KDM5C: variants seen among roughly 807,000 people sequenced by gnomAD.
KDM5C encodes lysine-specific demethylase 5C.
Under a neutral mutation model 110.6 loss-of-function variants are expected in KDM5C, and 16 were observed. The observed-to-expected ratio is 0.14, with a 90% CI of 0.10 to 0.22. The LOEUF is 0.22. Among genes scored for constraint, KDM5C ranks in the 10% least tolerant of loss-of-function variants. The pLI is 1.00. For synonymous variants in KDM5C, 511 were observed against 520.4 expected (o/e 0.98, Z 0.24); for missense variants, 681 against 1,300.9 (o/e 0.52, Z 7.33).
chrX:53,196,535 AACG>A (rs1381766777), intron 19 of KDM5C, 148 bp downstream of exon 19: 3 of 518,052 alleles, frequency 5.8e-6, no homozygotes, highest in Non-Finnish European at 9.9e-6. Context: ...TTTTTAAAAA[AACG>A]ACAAGATAGA....
rs1342387466 is a variant in KDM5C at position 53,179,951 on chromosome X, A to G, written c.4309-3329T>C. On this transcript the variant is annotated intron_variant, in intron 25 of 25. Coordinates refer to the KDM5C transcript ENST00000685641. ...CTTTTGTATTTGCCCAAGTGATTTG[A>G]AAATTTACAACTACATAAAAACCTG... 2.7e-5 allele frequency among the ~76,000 whole-genome samples: 3 copies of G among 112,349 alleles called. 1 individual carries two copies. The East Asian group carries it at 8.3e-4, about 31-fold the overall frequency.
At chrX:53,191,836 T>A (rs782446578), downstream of KDM5C, 1 of 174,581 alleles carries the variant, frequency 5.7e-6, no homozygotes, top group South Asian at 3.1e-4. Context: ...TATATCTCAA[T>A]AAAGCCATTA....
intron 12 of KDM5C, among the ~76,000 whole-genome samples, chrX:53,207,512 C>T (rs1668318776): frequency 8.9e-6 from 1 of 111,744 alleles, no homozygotes; most frequent in African/African-American, 3.3e-5. Context: ...TTATAAAAAC[C>T]ATACACTAAT....
chrX:53,207,711 G>T (rs1454554305), intron 12 of KDM5C, among the ~76,000 whole-genome samples: 1 of 111,332 alleles, frequency 9.0e-6, no homozygotes, highest in Non-Finnish European at 1.9e-5. Context: ...CACTTTGGGA[G>T]GCCAAGGCGG....
At chrX:53,217,055 A>C in intron 5 of KDM5C, 88 bp downstream of exon 5, 1 of 1,039,117 alleles carries the variant, frequency 9.6e-7, no homozygotes, top group East Asian at 3.3e-5. Context: ...AGAAGGGATA[A>C]TGGAACAGGG....
chrX:53,215,708 A>C, intron 7 of KDM5C, 87 bp downstream of exon 7: 3 of 1,027,309 alleles, frequency 2.9e-6, no homozygotes, highest in Non-Finnish European at 4.1e-6. Flanking sequence ...TTTTGTGGTT[A>C]ATGCGAACTG....
downstream of KDM5C, among the ~76,000 whole-genome samples, chrX:53,187,683 T>C (rs1602148829): frequency 9.0e-6 from 1 of 111,480 alleles, no homozygotes; most frequent in Admixed American, 9.5e-5. Flanking sequence ...GGTGGAAGGA[T>C]TGAGCCCAGG....
chrX:53,203,194 A>T (rs1490096904), intron 12 of KDM5C, among the ~76,000 whole-genome samples: 1 of 112,072 alleles, frequency 8.9e-6, no homozygotes, highest in African/African-American at 3.2e-5. Context: ...GTTACTGTTG[A>T]AAAGTTCGAA....
At chrX:53,199,221 A>C in intron 14 of KDM5C, 63 bp from the exon 15 acceptor site, 1 of 1,083,689 alleles carries the variant, frequency 9.2e-7, no homozygotes, top group Non-Finnish European at 1.3e-6. Context: ...CCTCCATCTC[A>C]GCCACCACCG....
At chrX:53,189,958 T>C (rs1322462822), downstream of KDM5C, among the ~76,000 whole-genome samples, 2 of 112,676 alleles carry the variant, frequency 1.8e-5, no homozygotes, top group Non-Finnish European at 3.8e-5. Flanking sequence ...AGAAGTGATG[T>C]CTCTTTCCAT....
chrX:53,199,658 G>A, intron 14 of KDM5C, among the ~76,000 whole-genome samples: 1 of 112,018 alleles, frequency 8.9e-6, no homozygotes. Flanking sequence ...ATGTGCTTGT[G>A]TTCAGGGTTT....
In KDM5C at chrX:53,216,197, G is replaced by A. The variant is rs2146941312; in HGVS notation, c.658C>T (p.Pro220Ser). The change falls in exon 6 of 26, where the codon CCG becomes TCG. Residue 220 changes from proline (P) to serine (S), a missense_variant and splice_region_variant. Physicochemically the swap from Pro to Ser is moderately conservative, Grantham distance 74. Around this residue, in one of 14 missense-constraint regions of KDM5C, gnomAD observed 55 missense variants for 118.0 expected, o/e 0.47. Coordinates refer to ENST00000375401, the MANE Select transcript of KDM5C (RefSeq NM_004187.5). Reference protein sequence around the residue: ...GRRAKRLQPDPEPTEEDIEKN... With the variant: ...GRRAKRLQPDSEPTEEDIEKN... ...TCAATGTCTTCCTCTGTGGGTTCCG[G>A]CTGGAAGGAAAGAAGGAAATGAATC... 8.3e-7 allele frequency: 1 copy of A among 1,211,431 alleles called. No homozygotes were observed. The highest frequency in any genetic ancestry group is 1.8e-5 in the South Asian group (1 of 57,014).
chrX:53,225,004 C>T lies in KDM5C; in HGVS notation c.-115G>A, dbSNP rs1602247650. On this transcript the variant is annotated 5_prime_UTR_variant, in exon 1 of 26. Transcript: ENST00000375401. ...CTCGGAGGCTAGGCCCTAAGCGGGG[C>T]AGCCGCCGCCCGCCGAGGGCCTAAG... is the stretch of plus-strand genomic sequence containing the variant. 1.1e-6 allele frequency: 1 copy of T among 938,200 alleles called. No homozygotes were observed. Among genetic ancestry groups the T allele is most frequent in the Non-Finnish European group, 1.4e-6 (1 of 706,100 alleles). The allele number at this position is 938,200 out of a possible 1,213,427, so 77.3% of individuals were successfully genotyped here.
At chrX:53,200,576 T>C (rs1556841110) in intron 14 of KDM5C, among the ~76,000 whole-genome samples, 1 of 111,463 alleles carries the variant, frequency 9.0e-6, no homozygotes. Flanking sequence ...CTCAACAACT[T>C]ACACCACGAC....
At chrX:53,214,373 T>C in intron 8 of KDM5C, 2 of 256,351 alleles carry the variant, frequency 7.8e-6, no homozygotes, top group Non-Finnish European at 1.4e-5. Flanking sequence ...TCCCTGATTA[T>C]TACCCTTAGC....
rs782212744 is a variant in KDM5C at position 53,218,970 on chromosome X, G to A, written c.229-572C>T. 2.7e-5 allele frequency among the ~76,000 whole-genome samples: 3 copies of A among 112,248 alleles called. No homozygotes were observed. The Admixed American group carries it at 2.8e-4, about 11-fold the overall frequency. ...CACAACTGCCAAAAGCTTTAGATAT[G>A]TCCTCTAATCTCCCTGACAAGGTCA... On this transcript the variant is annotated intron_variant, in intron 2 of 25. Transcript: ENST00000375401.
chrX:53,195,636 TCTC>T, intron 20 of KDM5C: 1 of 483,797 alleles, frequency 2.1e-6, no homozygotes. Flanking sequence ...GTTTGCCTCT[TCTC>T]CTCTCCTCCA....
At chrX:53,196,111 C>T in intron 19 of KDM5C, 57 bp from the exon 20 acceptor site, 1 of 1,159,564 alleles carries the variant, frequency 8.6e-7, no homozygotes, top group Non-Finnish European at 1.2e-6. Flanking sequence ...GACCAGAAGC[C>T]CAGCCTGACC....
intron 2 of KDM5C, 64 bp from the exon 3 acceptor site, chrX:53,218,462 A>G: frequency 8.7e-7 from 1 of 1,146,175 alleles, no homozygotes; most frequent in Non-Finnish European, 1.2e-6. Flanking sequence ...CTTTGGGTCC[A>G]GTCTTAGGGG....
Sources: allele counts gnomAD v4.1 joint callset (sites outside exome capture counted in the v4.1 genomes callset), GRCh38; gene constraint gnomAD v4.1.1; regional missense constraint gnomAD v4.1.1; transcripts MANE v1.5; gene names NCBI Gene and HGNC (gene_info 2026-07-23, HGNC 2026-07-21).